Variants in ANKS1B observed in about 807,000 individuals in gnomAD.
ANKS1B encodes the protein ankyrin repeat and sterile alpha motif domain-containing protein 1B.
In ANKS1B, 36 loss-of-function variants were observed where a neutral mutation model predicts 148.3. That is an observed-to-expected ratio of 0.24 (90% CI 0.19 to 0.32). The LOEUF is 0.32. ANKS1B is among the 10% of genes least tolerant of loss of function. The pLI, the probability that ANKS1B is intolerant of heterozygous loss-of-function variation, is 1.00. For synonymous variants in ANKS1B, 542 were observed against 560.8 expected (o/e 0.97, Z 0.47); for missense variants, 1,157 against 1,542.6 (o/e 0.75, Z 4.19).
intron 17 of ANKS1B, among the ~76,000 whole-genome samples, chr12:98,958,804 T>A (rs541405705): frequency 4.6e-5 from 7 of 152,334 alleles, no homozygotes; most frequent in Middle Eastern, 3.4e-3. Context: ...GCCTGTTCTG[T>A]TATTACTTCA....
intron 11 of ANKS1B, among the ~76,000 whole-genome samples, chr12:99,432,988 G>A (rs951337044): frequency 7.2e-5 from 11 of 152,246 alleles, no homozygotes; most frequent in Admixed American, 1.3e-4. Flanking sequence ...GGTGAATAAC[G>A]TGATCTGATT....
intron 17 of ANKS1B, among the ~76,000 whole-genome samples, chr12:98,937,731 C>G (rs2099820098): frequency 1.3e-5 from 2 of 152,058 alleles, no homozygotes; most frequent in Non-Finnish European, 2.9e-5. Flanking sequence ...CTGTAGATCT[C>G]TGTATTACTC....
chr12:99,321,007 C>T (rs1406043154), intron 12 of ANKS1B, among the ~76,000 whole-genome samples: 1 of 152,210 alleles, frequency 6.6e-6, no homozygotes, highest in Non-Finnish European at 1.5e-5. Context: ...CCAGCGGAGG[C>T]TGCAGAACAG....
At chr12:98,755,184 A>AT (rs932029183) in intron 25 of ANKS1B, among the ~76,000 whole-genome samples, 1 of 152,044 alleles carries the variant, frequency 6.6e-6, no homozygotes, top group Non-Finnish European at 1.5e-5. Context: ...AAGAACCCCC[A>AT]TTTTTTTGTA....
intron 17 of ANKS1B, among the ~76,000 whole-genome samples, chr12:99,003,523 C>T (rs184524052): frequency 6.6e-6 from 1 of 152,166 alleles, no homozygotes; most frequent in Non-Finnish European, 1.5e-5. Flanking sequence ...CTGGGCTTCT[C>T]AGAGCCCATG....
rs1057367784 is a variant in ANKS1B at position 99,453,437 on chromosome 12, C to T, written c.1439-9628G>A. Among the ~76,000 whole-genome samples, 7 of 152,210 alleles carry T rather than the reference C, an allele frequency of 4.6e-5. No homozygotes were observed. The East Asian group carries it at 1.2e-3, about 25-fold the overall frequency. The stretch of plus-strand genomic sequence containing the variant: ...GGAAAGCAAGTAACCACATTGTGAA[C>T]AACCTTATGCAAAGGCCTACGTGGC... On this transcript the variant is annotated intron_variant, in intron 10 of 26. Transcript: ENST00000683438.
At chr12:99,872,026 G>A (rs539952079) in intron 1 of ANKS1B, among the ~76,000 whole-genome samples, 1 of 152,040 alleles carries the variant, frequency 6.6e-6, no homozygotes, top group African/African-American at 2.4e-5. Context: ...ACTATTATTC[G>A]TCAAAGACAA....
chr12:99,289,503 T>C (rs912379469), intron 12 of ANKS1B, among the ~76,000 whole-genome samples: 2 of 152,060 alleles, frequency 1.3e-5, no homozygotes, highest in African/African-American at 2.4e-5. Context: ...TTCTCAAGTA[T>C]AGATGATATG....
At chr12:99,540,110 CACA>C (rs1453977615) in intron 9 of ANKS1B, among the ~76,000 whole-genome samples, 1 of 151,682 alleles carries the variant, frequency 6.6e-6, no homozygotes, top group African/African-American at 2.4e-5. Flanking sequence ...GTCAGGAAGA[CACA>C]ACAAGCATAA....
intron 19 of ANKS1B, among the ~76,000 whole-genome samples, chr12:98,820,667 C>T (rs560605989): frequency 2.0e-5 from 3 of 152,262 alleles, no homozygotes; most frequent in Admixed American, 6.5e-5. Context: ...TTTTGAAATA[C>T]ACTAACTCAT....
At chr12:99,917,135 G>A (rs2094196080) in intron 1 of ANKS1B, among the ~76,000 whole-genome samples, 1 of 152,166 alleles carries the variant, frequency 6.6e-6, no homozygotes, top group Admixed American at 6.5e-5. Context: ...ATCAATTGTT[G>A]GGCAGGGGCT....
intron 1 of ANKS1B, among the ~76,000 whole-genome samples, chr12:99,961,982 A>G (rs1305092977): frequency 3.9e-5 from 6 of 152,348 alleles, no homozygotes; most frequent in African/African-American, 1.4e-4. Flanking sequence ...ACAAGATGTT[A>G]AGAAAAGAGT....
chr12:99,863,895 C>T (rs574844565), intron 1 of ANKS1B, among the ~76,000 whole-genome samples: 68 of 151,904 alleles, frequency 4.5e-4, no homozygotes, highest in African/African-American at 1.6e-3. Context: ...CATAGTGAAA[C>T]TCCTTCTCTA....
chr12:99,179,937 C>T (rs2078920327), intron 14 of ANKS1B, among the ~76,000 whole-genome samples: 1 of 152,188 alleles, frequency 6.6e-6, no homozygotes, highest in Non-Finnish European at 1.5e-5. Flanking sequence ...ACCCCAACTG[C>T]ATTTATAATA....
intron 12 of ANKS1B, among the ~76,000 whole-genome samples, chr12:99,368,041 G>A (rs559437884): frequency 3.9e-4 from 60 of 152,116 alleles, no homozygotes; most frequent in African/African-American, 9.6e-4. Context: ...AATACGACTC[G>A]GAGAGAAAAT....
chr12:99,792,908 C>T (rs2065835212), intron 4 of ANKS1B, among the ~76,000 whole-genome samples: 1 of 151,942 alleles, frequency 6.6e-6, no homozygotes, highest in East Asian at 1.9e-4. Context: ...GTCAAATTAT[C>T]CTTGTTTGCA....
chr12:98,800,416 C>T (rs115363312), intron 21 of ANKS1B, among the ~76,000 whole-genome samples: 1,951 of 152,020 alleles, frequency 0.013, 40 homozygotes, highest in South Asian at 0.043. Context: ...TTTCTGCTGT[C>T]GTCAAGACAA....
At chr12:99,087,104 G>T (rs192962547) in intron 15 of ANKS1B, among the ~76,000 whole-genome samples, 4 of 152,212 alleles carry the variant, frequency 2.6e-5, no homozygotes, top group African/African-American at 9.7e-5. Flanking sequence ...AAAATTCAAG[G>T]CTTGGGCAGT....
chr12:99,712,883 C>T (rs1041739424), intron 8 of ANKS1B, among the ~76,000 whole-genome samples: 1 of 145,906 alleles, frequency 6.9e-6, no homozygotes, highest in South Asian at 2.2e-4. Context: ...GCCCGTGGCT[C>T]TGCCATGACC....
Sources: allele counts gnomAD v4.1 joint callset (sites outside exome capture counted in the v4.1 genomes callset), GRCh38; gene constraint gnomAD v4.1.1; transcripts MANE v1.5; gene names NCBI Gene and HGNC (gene_info 2026-07-23, HGNC 2026-07-21).